The following PDK4 variants were observed in gnomAD, a reference collection of about 807,000 sequenced individuals.
The protein encoded by PDK4 is pyruvate dehydrogenase kinase, isozyme 4.
PDK4 carries 43 observed loss-of-function variants against 51.7 expected under a neutral mutation model. The observed-to-expected ratio is 0.83, with a 90% confidence interval of 0.65 to 1.07. PDK4 has a LOEUF of 1.07. PDK4 is among the 50% of genes least tolerant of loss of function. The pLI is 0.00. For synonymous variants in PDK4, 170 were observed against 176.6 expected, an observed-to-expected ratio of 0.96 and a Z score of 0.30; for missense variants, 498 against 503.5, an observed-to-expected ratio of 0.99 and a Z score of 0.10.
chr7:95,594,094 A>T (rs1562839126), intron 2 of PDK4, among the ~76,000 whole-genome samples: 1 of 151,816 alleles, frequency 6.6e-6, no homozygotes. Context: ...AAAGCTTTTT[A>T]TTTTTTTTCT....
Position 95,595,008 on chromosome 7 carries a change from T to A in PDK4, c.272+15A>T. ...TGTTTCAAAACTAGAGACTTCAATA[T>A]GGTTCACCACTTACCAGCTTTTAAC... On this transcript the variant is annotated intron_variant, in intron 2 of 10. Coordinates refer to ENST00000005178, the MANE Select transcript of PDK4 (RefSeq NM_002612.4). 1 of 1,588,934 alleles carries A rather than the reference T, an allele frequency of 6.3e-7. No homozygotes were observed. Among genetic ancestry groups the A allele is most frequent in the Non-Finnish European group, 8.6e-7 (1 of 1,163,336 alleles).
chr7:95,586,939 C>G (rs1791489469), intron 10 of PDK4, 71 bp downstream of exon 10: 1 of 834,484 alleles, frequency 1.2e-6, no homozygotes. Flanking sequence ...CACTCCAGAC[C>G]ATAGCACTCA....
At chr7:95,593,629 A>T in intron 3 of PDK4, 70 bp downstream of exon 3, 1 of 782,500 alleles carries the variant, frequency 1.3e-6, no homozygotes, top group Non-Finnish European at 2.3e-6. Flanking sequence ...ATTTAGGTCT[A>T]AAAATATCTT....
At chr7:95,588,047 T>C (rs1791508962) in intron 7 of PDK4, among the ~76,000 whole-genome samples, 1 of 152,102 alleles carries the variant, frequency 6.6e-6, no homozygotes, top group Non-Finnish European at 1.5e-5. Flanking sequence ...CTCCTGGGAG[T>C]AATGTCTAAT....
In PDK4 at chr7:95,587,028, A is replaced by G. The variant is rs769262377; in HGVS notation, c.1077T>C (p.Asp359=). ...GGGATACCTTTAAGTAGATGATAGC[A>G]TCTGTTCCATATCCTGATAAAGAGT... is the stretch of plus-strand genomic sequence containing the variant. ...NLYSLSGYGT[D]AIIYLKALSS... The change falls in exon 10 of 11, where the codon GAT becomes GAC. Residue 359 remains aspartate, a synonymous_variant. Coordinates refer to ENST00000005178, the MANE Select transcript of PDK4 (RefSeq NM_002612.4). The G allele has an allele frequency of 1.3e-6, 2 of 1,577,968 alleles. No homozygotes were observed. The highest frequency in any genetic ancestry group is 1.7e-6 in the Non-Finnish European group (2 of 1,147,808).
chr7:95,589,005 C>A (rs1308026093), intron 7 of PDK4, among the ~76,000 whole-genome samples: 4 of 152,244 alleles, frequency 2.6e-5, no homozygotes, highest in Non-Finnish European at 5.9e-5. Flanking sequence ...AGAAGCACAA[C>A]TCTACAGGCC....
chr7:95,591,292 T>C (rs1339990837), intron 6 of PDK4, among the ~76,000 whole-genome samples: 1 of 152,124 alleles, frequency 6.6e-6, no homozygotes, highest in South Asian at 2.1e-4. Flanking sequence ...AAAACAATAG[T>C]GCAATTTTTT....
At chr7:95,592,398 T>C (rs1394008091) in intron 5 of PDK4, 113 bp downstream of exon 5, 1 of 706,980 alleles carries the variant, frequency 1.4e-6, no homozygotes, top group East Asian at 2.5e-5. Flanking sequence ...ATTTATAAAA[T>C]AAATGGAACA....
rs201454452 is a variant in PDK4 at position 95,594,375 on chromosome 7, GACA to G, written c.273-608_273-606del. 4.5e-4 allele frequency among the ~76,000 whole-genome samples: 68 copies of G among 152,016 alleles called. 1 individual carries two copies. The East Asian group carries it at 0.012, about 27-fold the overall frequency. ...AGTATCTTCATTTATAAAATGAGATGACAACAACTGACACTTACTGACTGCTGG... is the reference window on the plus strand; with the variant it reads ...AGTATCTTCATTTATAAAATGAGATGACAACTGACACTTACTGACTGCTGG... On this transcript the variant is annotated intron_variant, in intron 2 of 10. Transcript: ENST00000005178.
chr7:95,586,330 G>A (rs1371814693), intron 10 of PDK4, among the ~76,000 whole-genome samples: 1 of 151,714 alleles, frequency 6.6e-6, no homozygotes, highest in African/African-American at 2.4e-5. Flanking sequence ...AAGTAGCTGG[G>A]GTTACAGGCA....
intron 10 of PDK4, among the ~76,000 whole-genome samples, chr7:95,586,205 T>TTTGTTTG (rs1408670875): frequency 2.0e-5 from 3 of 148,724 alleles, no homozygotes; most frequent in African/African-American, 7.5e-5. Context: ...TTTTTTTTTT[T>TTTGTTTG]TTTTTTTGAG....
chr7:95,593,892 A>ATT, intron 2 of PDK4, 122 bp from the exon 3 acceptor site: 1 of 445,672 alleles, frequency 2.2e-6, no homozygotes, highest in Non-Finnish European at 4.0e-6. Flanking sequence ...CAAACTTAAA[A>ATT]CTTTCCTCCA....
chr7:95,594,115 T>C (rs1446060361), intron 2 of PDK4, among the ~76,000 whole-genome samples: 4 of 152,204 alleles, frequency 2.6e-5, no homozygotes, highest in Admixed American at 2.6e-4. Context: ...ACTACATTCA[T>C]TCATAGAAGA....
intron 2 of PDK4, 56 bp from the exon 3 acceptor site, chr7:95,593,826 C>A: frequency 2.7e-6 from 2 of 740,106 alleles, no homozygotes; most frequent in South Asian, 1.7e-5. Flanking sequence ...ATACAAATGG[C>A]TGAAAATAGA....
chr7:95,587,751 C>G lies in PDK4; in HGVS notation c.846G>C (p.Leu282Phe), dbSNP rs527268499. ...SLTPIEVIVV[L>F]GKEDLTIKIS... ...CCTTAATGGTAAGGTCTTCTTTTCC[C>G]AAGACAACAATAACCTCTATTGGTG... Residue 282 changes from leucine (L) to phenylalanine (F), a missense_variant, in exon 8 of 11, where the codon TTG (leucine) becomes TTC (phenylalanine). Physicochemically the swap from Leu to Phe is conservative, Grantham distance 22. Coordinates refer to ENST00000005178, the MANE Select transcript of PDK4 (RefSeq NM_002612.4). 1.2e-6 allele frequency: 2 copies of G among 1,612,204 alleles called. No homozygotes were observed. Among genetic ancestry groups the G allele is most frequent in the South Asian group, 1.1e-5 (1 of 91,026 alleles).
rs764467241 is a variant in PDK4 at position 95,596,220 on chromosome 7, T to A, written c.74A>T (p.Glu25Val). 6.2e-7 allele frequency: 1 copy of A among 1,606,398 alleles called. No individual in the cohort carries two copies. Among genetic ancestry groups the A allele is most frequent in the Non-Finnish European group, 8.5e-7 (1 of 1,176,504 alleles). Residue 25 changes from glutamate (E) to valine (V), a missense_variant, in exon 1 of 11, where the codon GAG becomes GTG. Coordinates refer to ENST00000005178, the MANE Select transcript of PDK4 (RefSeq NM_002612.4). ...NGAGLVPREVEHFSRYSPSPL... is the reference protein window; with the variant it reads ...NGAGLVPREVVHFSRYSPSPL... ...GGACGGGCTGTAGCGCGAGAAATGC[T>A]CCACCTCTCGGGGCACCAGGCCGGC... is the stretch of plus-strand genomic sequence containing the variant.
rs950359404 is a variant in PDK4, at chr7:95,583,725, A to G, written c.*1916T>C. On this transcript the variant is annotated 3_prime_UTR_variant, in exon 11 of 11. Coordinates refer to ENST00000005178, the MANE Select transcript of PDK4 (RefSeq NM_002612.4). Reference sequence around the variant, plus strand: ...CAGTTGGTGTAATTGAGATACTAACATTTCTTTTTTCTAGTGTTTTAGAGA... The same window carrying G: ...CAGTTGGTGTAATTGAGATACTAACGTTTCTTTTTTCTAGTGTTTTAGAGA... 7 of 152,624 alleles carry G rather than the reference A, an allele frequency of 4.6e-5. No homozygotes were observed. The highest frequency in any genetic ancestry group is 1.7e-4 in the African/African-American group (7 of 41,454). 9.5% of individuals were successfully genotyped at this position (152,624 alleles called of 1,614,324 possible). A position where few individuals can be genotyped will look rare whatever the true frequency, so the allele number is the denominator to read the frequency against.
Position 95,596,259 on chromosome 7 carries a change from C to G in PDK4, c.35G>C (p.Gly12Ala). The G allele has an allele frequency of 6.3e-7, 1 of 1,591,478 alleles. No individual in the cohort carries two copies. The highest frequency in any genetic ancestry group is 8.6e-7 in the Non-Finnish European group (1 of 1,169,290). Residue 12 changes from glycine (G) to alanine (A), a missense_variant, in exon 1 of 11, where the codon GGC becomes GCC. Coordinates refer to ENST00000005178, the MANE Select transcript of PDK4 (RefSeq NM_002612.4). ...CACCAGGCCGGCGCCGTTGAGCGAG[C>G]CAGCGCTGCGCAGCACGAAGCGGGC... ...KAARFVLRSA[G>A]SLNGAGLVPR...
At position 95,592,765 on chromosome 7, in the gene PDK4, T is replaced by TGGTTTG; in HGVS notation, c.523_524insCAAACC (p.Asn174_Gln175insProAsn). On this transcript the variant is annotated inframe_insertion, in exon 4 of 11. Transcript: ENST00000005178. Reference sequence around the variant, plus strand: ...ATCATGATGAGCTAACTTACTGTGCTGGTTCATCAGCATCCGAGTAGAAAT... The same window carrying TGGTTTG: ...ATCATGATGAGCTAACTTACTGTGCTGGTTTGGGTTCATCAGCATCCGAGTAGAAAT... 1 of 1,610,374 alleles carries TGGTTTG rather than the reference T, an allele frequency of 6.2e-7. No individual in the cohort carries two copies. Among genetic ancestry groups the TGGTTTG allele is most frequent in the Non-Finnish European group, 8.5e-7 (1 of 1,177,788 alleles).
Sources: gnomAD v4.1 joint callset for allele counts (sites outside exome capture counted in the v4.1 genomes callset) on GRCh38, gnomAD v4.1.1 for gene constraint, MANE v1.5 for transcripts, NCBI Gene and HGNC (gene_info 2026-07-23, HGNC 2026-07-21) for gene names.